The following KIF16B variants were observed in gnomAD, a reference collection of about 807,000 sequenced individuals.
KIF16B encodes kinesin family member 16B, also known as kinesin-like protein KIF16B.
Under a neutral mutation model 156.3 loss-of-function variants are expected in KIF16B, and 98 were observed. That is an observed-to-expected ratio of 0.63 (90% CI 0.53 to 0.74). The LOEUF (loss-of-function observed/expected upper bound fraction) is 0.74. Among genes scored for constraint, KIF16B ranks in the 30% least tolerant of loss-of-function variants. The pLI is 0.00. For missense variants in KIF16B, 1,421 were observed against 1,606.5 expected (o/e 0.88, Z 1.97); for synonymous variants, 564 against 583.7 (o/e 0.97, Z 0.49).
At chr20:16,442,936 C>CACGCT (rs2066842059) in intron 12 of KIF16B, among the ~76,000 whole-genome samples, 1 of 152,202 alleles carries the variant, frequency 6.6e-6, no homozygotes, top group South Asian at 2.1e-4. Context: ...CATGGCAAGG[C>CACGCT]ACGCTGGTGA....
At chr20:16,486,580 C>A (rs1430339880) in intron 12 of KIF16B, among the ~76,000 whole-genome samples, 1 of 152,158 alleles carries the variant, frequency 6.6e-6, no homozygotes, top group Non-Finnish European at 1.5e-5. Context: ...TCCACAGGAG[C>A]TGAACTATAC....
chr20:16,288,990 A>G (rs1203652077), intron 25 of KIF16B, among the ~76,000 whole-genome samples: 2 of 151,296 alleles, frequency 1.3e-5, no homozygotes, highest in African/African-American at 2.4e-5. Context: ...TGGGATCCCA[A>G]TAAACCCACG....
intron 14 of KIF16B, among the ~76,000 whole-genome samples, chr20:16,428,557 G>A (rs1477029943): frequency 6.6e-6 from 1 of 152,118 alleles, no homozygotes; most frequent in African/African-American, 2.4e-5. Flanking sequence ...TGTGAAGACA[G>A]TGCCTACAAC....
Position 16,294,513 on chromosome 20 carries a change from C to G in KIF16B, c.3795+17822G>C, listed in dbSNP as rs567693355. On this transcript the variant is annotated intron_variant, in intron 25 of 25. Coordinates refer to ENST00000354981, the MANE Select transcript of KIF16B (RefSeq NM_024704.5). The stretch of plus-strand genomic sequence containing the variant: ...ACAGAGCACGTGCTTCTGAATCGTT[C>G]CCATGCAGGACGGGAGGCAGGCCCA... Among the ~76,000 whole-genome samples, 19 of 152,184 alleles carry G rather than the reference C, an allele frequency of 1.2e-4. No homozygotes were observed. In the East Asian group the frequency reaches 1.3e-3, roughly 11 times the overall value.
In KIF16B at chr20:16,379,849, T is replaced by C. The variant is rs1291722195; in HGVS notation, c.2153A>G (p.Asn718Ser). 8.1e-6 allele frequency: 13 copies of C among 1,614,036 alleles called. No individual in the cohort carries two copies. Among genetic ancestry groups the C allele is most frequent in the Non-Finnish European group, 1.1e-5 (13 of 1,180,020 alleles). ...ELQRLKELNN[N>S]EKAEKFQIFQ... ...TATCTGAAACTTCTCAGCCTTCTCG[T>C]TGTTGTTGAGTTCTTTGAGTCGTTG... Residue 718 changes from asparagine to serine, a missense_variant, in exon 19 of 26, where the codon AAC becomes AGC. Coordinates refer to ENST00000354981, the MANE Select transcript of KIF16B (RefSeq NM_024704.5).
intron 15 of KIF16B, among the ~76,000 whole-genome samples, chr20:16,410,368 T>C (rs1226990109): frequency 1.3e-5 from 2 of 150,102 alleles, no homozygotes; most frequent in Admixed American, 1.3e-4. Context: ...GAGAGAGACA[T>C]ATACATACAC....
chr20:16,547,174 G>A (rs1180668197), intron 1 of KIF16B, among the ~76,000 whole-genome samples: 1 of 152,138 alleles, frequency 6.6e-6, no homozygotes, highest in Non-Finnish European at 1.5e-5. Flanking sequence ...TGTCCTTCCT[G>A]TCCCATGCTC....
At chr20:16,315,965 T>TA (rs2063692006) in intron 24 of KIF16B, among the ~76,000 whole-genome samples, 1 of 152,206 alleles carries the variant, frequency 6.6e-6, no homozygotes, top group Non-Finnish European at 1.5e-5. Context: ...CCCATTAATA[T>TA]AATGATATTT....
At chr20:16,291,201 A>C (rs2063310027) in intron 25 of KIF16B, among the ~76,000 whole-genome samples, 1 of 152,218 alleles carries the variant, frequency 6.6e-6, no homozygotes, top group Non-Finnish European at 1.5e-5. Context: ...TAGGTTTACA[A>C]TATCTTCTTT....
chr20:16,365,090 T>A (rs1039348250), intron 22 of KIF16B, among the ~76,000 whole-genome samples: 1 of 152,256 alleles, frequency 6.6e-6, no homozygotes, highest in African/African-American at 2.4e-5. Context: ...CCCTTCATAA[T>A]CATTAATTGT....
At chr20:16,369,608 T>C (rs1387581274) in intron 22 of KIF16B, among the ~76,000 whole-genome samples, 1 of 152,146 alleles carries the variant, frequency 6.6e-6, no homozygotes. Context: ...AAGGTCAAAT[T>C]TAGTTATGAA....
intron 12 of KIF16B, among the ~76,000 whole-genome samples, chr20:16,479,914 C>G (rs115237059): frequency 0.016 from 2,501 of 152,212 alleles, 61 homozygotes; most frequent in African/African-American, 0.058. Flanking sequence ...TCTGTACATT[C>G]CATGTGGATA....
At chr20:16,513,521 G>A (rs1290314773) in intron 4 of KIF16B, among the ~76,000 whole-genome samples, 1 of 152,176 alleles carries the variant, frequency 6.6e-6, no homozygotes, top group African/African-American at 2.4e-5. Context: ...TTAGCTGAGT[G>A]TGGTGGCACA....
At chr20:16,551,733 TATC>T (rs1183012458) in intron 1 of KIF16B, among the ~76,000 whole-genome samples, 1 of 152,174 alleles carries the variant, frequency 6.6e-6, no homozygotes, top group African/African-American at 2.4e-5. Flanking sequence ...AGCCCTCTGA[TATC>T]ATCAGTGTTC....
intron 25 of KIF16B, among the ~76,000 whole-genome samples, chr20:16,298,350 G>A (rs1293527008): frequency 1.3e-5 from 2 of 152,190 alleles, no homozygotes; most frequent in African/African-American, 4.8e-5. Flanking sequence ...TTAGAATTGT[G>A]AGCTCCTTGA....
At chr20:16,342,950 G>C (rs1280562295) in intron 23 of KIF16B, among the ~76,000 whole-genome samples, 1 of 152,178 alleles carries the variant, frequency 6.6e-6, no homozygotes, top group African/African-American at 2.4e-5. Flanking sequence ...AAAATAGACA[G>C]AAAGGCAAAA....
intron 2 of KIF16B, among the ~76,000 whole-genome samples, chr20:16,527,103 G>C (rs1600629949): frequency 6.6e-6 from 1 of 152,294 alleles, no homozygotes; most frequent in East Asian, 1.9e-4. Context: ...GGAAAGACAA[G>C]GTAATTACCA....
At chr20:16,383,407 T>G (rs553997767) in intron 17 of KIF16B, among the ~76,000 whole-genome samples, 1 of 152,174 alleles carries the variant, frequency 6.6e-6, no homozygotes, top group Non-Finnish European at 1.5e-5. Flanking sequence ...ATGTTCAAAT[T>G]TGTGATATTA....
chr20:16,379,544 T>C lies in KIF16B; in HGVS notation c.2458A>G (p.Lys820Glu). 6.2e-7 allele frequency: 1 copy of C among 1,614,140 alleles called. No individual in the cohort carries two copies. The highest frequency in any genetic ancestry group is 1.3e-5 in the African/African-American group (1 of 75,036). The change falls in exon 19 of 26, where the codon AAG becomes GAG. Residue 820 changes from lysine (K) to glutamate (E), a missense_variant. Lys to Glu is a moderately conservative substitution (Grantham distance 56, BLOSUM62 1). Coordinates refer to ENST00000354981, the MANE Select transcript of KIF16B (RefSeq NM_024704.5). The part of the protein sequence containing the change: ...GGDEDGEELE[K>E]AQLRFFEFKR... The stretch of plus-strand genomic sequence containing the variant: ...AATTCGAAGAAACGCAGTTGAGCCT[T>C]TTCTAACTCCTCGCCATCTTCATCC...
Sources: gnomAD v4.1 joint callset for allele counts (sites outside exome capture counted in the v4.1 genomes callset) on GRCh38, gnomAD v4.1.1 for gene constraint, MANE v1.5 for transcripts, NCBI Gene and HGNC (gene_info 2026-07-23, HGNC 2026-07-21) for gene names.